The following MAP4K3 variants were observed in gnomAD, a reference collection of about 807,000 sequenced individuals.
MAP4K3 encodes the protein MAPK/ERK kinase kinase kinase 3.
Under a neutral mutation model 143.5 loss-of-function variants are expected in MAP4K3, and 94 were observed. That is an observed-to-expected ratio of 0.65 (90% CI 0.55 to 0.78). MAP4K3 has a LOEUF of 0.78. Among genes scored for constraint, MAP4K3 ranks in the 30% least tolerant of loss-of-function variants. The pLI is 0.00. For missense variants in MAP4K3, 1,077 were observed against 1,068.1 expected, an observed-to-expected ratio of 1.01 and a Z score of -0.12; for synonymous variants, 416 against 347.2, an observed-to-expected ratio of 1.20 and a Z score of -2.20.
chr2:39,341,347 C>T (rs1161638236), intron 4 of MAP4K3, among the ~76,000 whole-genome samples: 3 of 151,948 alleles, frequency 2.0e-5, no homozygotes, highest in African/African-American at 4.8e-5. Context: ...GGAAGTTTAC[C>T]ACTAAAATAT....
chr2:39,280,400 C>A, intron 22 of MAP4K3, 44 bp from the exon 23 acceptor site: 1 of 1,149,192 alleles, frequency 8.7e-7, no homozygotes, highest in South Asian at 1.3e-5. Context: ...TGACAAGTAA[C>A]AGTCTTTAAT....
At chr2:39,340,584 T>G (rs1481268666) in intron 4 of MAP4K3, among the ~76,000 whole-genome samples, 3 of 152,172 alleles carry the variant, frequency 2.0e-5, no homozygotes, top group Non-Finnish European at 4.4e-5. Context: ...GTAACGAAAC[T>G]GGTCTTGCTT....
intron 12 of MAP4K3, among the ~76,000 whole-genome samples, chr2:39,321,926 C>T (rs1683322349): frequency 6.6e-6 from 1 of 152,240 alleles, no homozygotes; most frequent in Admixed American, 6.5e-5. Flanking sequence ...GACACATCCC[C>T]CTCTCGGGGA....
In MAP4K3 at chr2:39,309,448, C is replaced by G. The variant is rs1213624314; in HGVS notation, c.1056+13G>C. On this transcript the variant is annotated intron_variant, in intron 14 of 33. Coordinates refer to ENST00000263881, the MANE Select transcript of MAP4K3 (RefSeq NM_003618.4). ...TATTTTCAGTGCTAACATTCTAAGG[C>G]TATACTACTTACAAGTTCATGATGT... 1 of 1,566,048 alleles carries G rather than the reference C, an allele frequency of 6.4e-7. No homozygotes were observed. Among genetic ancestry groups the G allele is most frequent in the Middle Eastern group, 1.7e-4 (1 of 5,940 alleles).
chr2:39,314,417 G>C (rs1191643136), intron 13 of MAP4K3, among the ~76,000 whole-genome samples: 1 of 152,142 alleles, frequency 6.6e-6, no homozygotes, highest in East Asian at 1.9e-4. Context: ...GCTCTCACAT[G>C]CTAAGGATGC....
Position 39,336,471 on chromosome 2 carries a change from CAAAAAAAAAAAAAAAAAA to C in MAP4K3, c.414+431_414+448del, listed in dbSNP as rs55780656. Reference sequence around the variant, plus strand: ...TGGGCAACAGAGCGAGACTCCATCTCAAAAAAAAAAAAAAAAAAAAAAAAAAAAAAGACTATGAGAAAG... The same window carrying C: ...TGGGCAACAGAGCGAGACTCCATCTCAAAAAAAAAAAAGACTATGAGAAAG... On this transcript the variant is annotated intron_variant, in intron 6 of 33. Coordinates refer to ENST00000263881, the MANE Select transcript of MAP4K3 (RefSeq NM_003618.4). Among the ~76,000 whole-genome samples the C allele has an allele frequency of 1.6e-4, 6 of 38,680 alleles. No individual in the cohort carries two copies. The South Asian group carries it at 7.6e-3, about 49-fold the overall frequency. The allele number at this position is 38,680 out of a possible 152,430, so 25.4% of individuals were successfully genotyped here. A position where few individuals can be genotyped will look rare whatever the true frequency, so the allele number is the denominator to read the frequency against.
intron 15 of MAP4K3, among the ~76,000 whole-genome samples, chr2:39,304,975 A>G (rs1338330202): frequency 2.0e-5 from 3 of 152,230 alleles, no homozygotes; most frequent in Non-Finnish European, 4.4e-5. Context: ...CAAATATGCT[A>G]TGATTCCATT....
At chr2:39,272,879 A>G (rs1419359179) in intron 24 of MAP4K3, among the ~76,000 whole-genome samples, 1 of 152,144 alleles carries the variant, frequency 6.6e-6, no homozygotes, top group Non-Finnish European at 1.5e-5. Context: ...TCTGGGGTTG[A>G]ATAAGATTCT....
intron 1 of MAP4K3, among the ~76,000 whole-genome samples, chr2:39,429,825 G>C (rs1558353833): frequency 1.3e-5 from 2 of 152,176 alleles, no homozygotes; most frequent in African/African-American, 2.4e-5. Flanking sequence ...TTTTGATAAA[G>C]CTACAGTAAA....
chr2:39,284,380 T>A (rs1681674199), intron 21 of MAP4K3, among the ~76,000 whole-genome samples: 1 of 152,044 alleles, frequency 6.6e-6, no homozygotes, highest in East Asian at 1.9e-4. Context: ...AGGTTGGTTT[T>A]GAACTCCTGG....
chr2:39,326,856 C>T (rs747507773), intron 8 of MAP4K3, among the ~76,000 whole-genome samples: 16 of 152,262 alleles, frequency 1.1e-4, no homozygotes, highest in Middle Eastern at 6.8e-3. Flanking sequence ...CTCCTGCCAC[C>T]TTGTGAAGAA....
intron 15 of MAP4K3, 120 bp downstream of exon 15, chr2:39,307,823 G>T: frequency 1.5e-6 from 1 of 650,204 alleles, no homozygotes; most frequent in Non-Finnish European, 2.4e-6. Context: ...ATATATAGAA[G>T]TTTGCTAAAT....
chr2:39,274,221 C>T (rs6544217), intron 24 of MAP4K3, among the ~76,000 whole-genome samples: 129,934 of 148,520 alleles, frequency 0.87, 56,891 homozygotes, highest in Non-Finnish European at 0.91. Flanking sequence ...CTTTCTCTCT[C>T]TTTTTTTTTT....
chr2:39,343,235 C>T (rs1206800299), intron 4 of MAP4K3, among the ~76,000 whole-genome samples, 153 bp downstream of exon 4: 1 of 152,130 alleles, frequency 6.6e-6, no homozygotes, highest in Non-Finnish European at 1.5e-5. Context: ...TCCTTTCTTC[C>T]ACCTATATCT....
rs1470437653 is a variant in MAP4K3, at chr2:39,260,674, T to A, written c.2240A>T (p.Asp747Val). Residue 747 changes from aspartate (D) to valine (V), a missense_variant, in exon 29 of 34, where the codon GAC becomes GTC. By Grantham distance (152) the Asp-to-Val change is radical (BLOSUM62 -3). This residue lies in a region of MAP4K3 where 864 missense variants were observed against 801.2 expected (regional missense o/e 1.08). Transcript: ENST00000263881. ...CTCAAATCGAACCACTTGGTTGAAGTCTCTACCTCTACTGACACCAACACA... is the reference window on the plus strand; with the variant it reads ...CTCAAATCGAACCACTTGGTTGAAGACTCTACCTCTACTGACACCAACACA... ...LVCVGVSRGR[D>V]FNQVVRFETV... 6.2e-7 allele frequency: 1 copy of A among 1,613,848 alleles called. No homozygotes were observed. The highest frequency in any genetic ancestry group is 8.5e-7 in the Non-Finnish European group (1 of 1,179,924).
intron 2 of MAP4K3, among the ~76,000 whole-genome samples, chr2:39,370,818 A>T (rs1465561511): frequency 6.6e-6 from 1 of 152,186 alleles, no homozygotes; most frequent in Non-Finnish European, 1.5e-5. Flanking sequence ...ATATTATAAT[A>T]ACTAGTGCTG....
At chr2:39,427,048 A>G (rs1437714334) in intron 1 of MAP4K3, among the ~76,000 whole-genome samples, 13 of 152,096 alleles carry the variant, frequency 8.5e-5, no homozygotes, top group Non-Finnish European at 1.9e-4. Flanking sequence ...AGAATCAAAG[A>G]AAAAAATCTT....
Position 39,325,647 on chromosome 2 carries a change from A to G in MAP4K3, c.808-19T>C, listed in dbSNP as rs768613489. ...AAGGATGCTATAAAAATTAAATACA[A>G]TGCAGAACACTTACTATAAATCTGA... On this transcript the variant is annotated intron_variant, in intron 11 of 33. Transcript: ENST00000263881. 15 of 1,587,494 alleles carry G rather than the reference A, an allele frequency of 9.4e-6. No individual in the cohort carries two copies. In the Admixed American group the frequency reaches 2.3e-4, roughly 25 times the overall value.
chr2:39,319,502 T>C (rs1573143906), intron 12 of MAP4K3, among the ~76,000 whole-genome samples: 1 of 152,130 alleles, frequency 6.6e-6, no homozygotes, highest in East Asian at 1.9e-4. Flanking sequence ...CGGAGTTTGG[T>C]ATACTTGAGA....
Sources: gnomAD v4.1 joint callset for allele counts (sites outside exome capture counted in the v4.1 genomes callset) on GRCh38, gnomAD v4.1.1 for gene constraint, gnomAD v4.1.1 regional missense constraint, MANE v1.5 for transcripts, NCBI Gene and HGNC (gene_info 2026-07-23, HGNC 2026-07-21) for gene names.